MDGA2: variants seen among roughly 807,000 people sequenced by gnomAD.
MDGA2 encodes the protein MAM domain-containing glycosylphosphatidylinositol anchor protein 2.
MDGA2 carries 40 observed loss-of-function variants against 117.8 expected under a neutral mutation model. The ratio of observed to expected loss-of-function variants is 0.34; its 90% confidence interval spans 0.26 to 0.44. MDGA2 has a LOEUF of 0.44. Among genes scored for constraint, MDGA2 ranks in the 20% least tolerant of loss-of-function variants. The pLI is 1.00. For missense variants in MDGA2, 1,123 were observed against 1,250.6 expected (o/e 0.90, Z 1.54); for synonymous variants, 452 against 439.0 (o/e 1.03, Z -0.37).
chr14:47,607,138 C>A (rs977467148), intron 1 of MDGA2, among the ~76,000 whole-genome samples: 1 of 151,940 alleles, frequency 6.6e-6, no homozygotes, highest in Non-Finnish European at 1.5e-5. Flanking sequence ...AGGAAAAAAA[C>A]CTATGGTTCT....
chr14:47,372,325 T>G (rs1213935813), intron 1 of MDGA2, among the ~76,000 whole-genome samples: 1 of 151,726 alleles, frequency 6.6e-6, no homozygotes, highest in African/African-American at 2.4e-5. Context: ...GCAGCACAAA[T>G]GATAAGCAAA....
chr14:47,162,334 T>G (rs1456200553), intron 3 of MDGA2, among the ~76,000 whole-genome samples: 1 of 152,114 alleles, frequency 6.6e-6, no homozygotes, highest in Non-Finnish European at 1.5e-5. Flanking sequence ...TATAAAGGAA[T>G]CCTCACTGGA....
At chr14:47,066,747 A>C (rs1238420576) in intron 6 of MDGA2, among the ~76,000 whole-genome samples, 3 of 152,068 alleles carry the variant, frequency 2.0e-5, no homozygotes, top group African/African-American at 4.8e-5. Flanking sequence ...GAAAAAAAAA[A>C]CTGACATCTA....
chr14:47,639,126 C>T (rs1229702775), intron 1 of MDGA2, among the ~76,000 whole-genome samples: 2 of 152,110 alleles, frequency 1.3e-5, no homozygotes, highest in Non-Finnish European at 2.9e-5. Flanking sequence ...TTTATCTTCT[C>T]ATCTTATTTT....
chr14:47,583,410 T>G (rs1896265325), intron 1 of MDGA2, among the ~76,000 whole-genome samples: 1 of 151,858 alleles, frequency 6.6e-6, no homozygotes, highest in Non-Finnish European at 1.5e-5. Context: ...CAATTCTCAT[T>G]AAAAGCATTT....
intron 1 of MDGA2, among the ~76,000 whole-genome samples, chr14:47,668,853 G>C (rs1331257187): frequency 6.6e-6 from 1 of 152,118 alleles, no homozygotes; most frequent in Non-Finnish European, 1.5e-5. Context: ...ATAAGCTCTC[G>C]AGCTCAGTTC....
chr14:47,502,168 C>T (rs531429984), intron 1 of MDGA2, among the ~76,000 whole-genome samples: 1 of 152,046 alleles, frequency 6.6e-6, no homozygotes, highest in East Asian at 1.9e-4. Context: ...ACTCAGGAGG[C>T]TAAGGAACTT....
chr14:47,208,528 CTCT>C (rs746409369), intron 3 of MDGA2, among the ~76,000 whole-genome samples: 21 of 71,930 alleles, frequency 2.9e-4, no homozygotes, highest in Non-Finnish European at 4.9e-4. Context: ...CTTCTCTAAA[CTCT>C]TTTTTTTTTT....
At chr14:47,316,530 T>C (rs1158409973) in intron 1 of MDGA2, among the ~76,000 whole-genome samples, 1 of 152,052 alleles carries the variant, frequency 6.6e-6, no homozygotes, top group East Asian at 1.9e-4. Context: ...AAATAACTTG[T>C]TTAATTAAGT....
intron 1 of MDGA2, among the ~76,000 whole-genome samples, chr14:47,556,734 T>C (rs1444870784): frequency 1.3e-5 from 2 of 152,202 alleles, no homozygotes; most frequent in African/African-American, 4.8e-5. Context: ...TAATACAAGC[T>C]CAGTAAATAG....
At chr14:47,460,112 T>A (rs1312670135) in intron 1 of MDGA2, among the ~76,000 whole-genome samples, 1 of 152,188 alleles carries the variant, frequency 6.6e-6, no homozygotes, top group Non-Finnish European at 1.5e-5. Flanking sequence ...TATCATTTTC[T>A]TCATTCTCAG....
chr14:46,982,036 AT>A (rs1407966647), intron 8 of MDGA2, among the ~76,000 whole-genome samples: 1 of 152,234 alleles, frequency 6.6e-6, no homozygotes, highest in Non-Finnish European at 1.5e-5. Flanking sequence ...TATGAGTCCA[AT>A]CATACATTCA....
At chr14:47,664,358 A>T (rs1897903692) in intron 1 of MDGA2, among the ~76,000 whole-genome samples, 1 of 152,208 alleles carries the variant, frequency 6.6e-6, no homozygotes, top group East Asian at 1.9e-4. Flanking sequence ...TAGTCCTATT[A>T]TGAGGTTCAA....
At chr14:47,267,861 G>A (rs1291618671) in intron 2 of MDGA2, among the ~76,000 whole-genome samples, 1 of 152,032 alleles carries the variant, frequency 6.6e-6, no homozygotes, top group East Asian at 1.9e-4. Flanking sequence ...AAGCCCTTTA[G>A]TAAGTCAAAG....
chr14:47,231,595 A>G (rs935160624), intron 2 of MDGA2, among the ~76,000 whole-genome samples: 1 of 152,064 alleles, frequency 6.6e-6, no homozygotes, highest in Non-Finnish European at 1.5e-5. Context: ...TTTCCTATAC[A>G]TATTATATTT....
At chr14:47,073,420 T>C (rs1485607744) in intron 6 of MDGA2, among the ~76,000 whole-genome samples, 2 of 152,174 alleles carry the variant, frequency 1.3e-5, no homozygotes, top group East Asian at 1.9e-4. Context: ...TGGTAGTAAT[T>C]ATGAAGCATA....
At chr14:47,463,976 T>C (rs145228060) in intron 1 of MDGA2, among the ~76,000 whole-genome samples, 2 of 152,178 alleles carry the variant, frequency 1.3e-5, no homozygotes, top group Non-Finnish European at 2.9e-5. Context: ...GAGGACTGAT[T>C]AGGATGGATT....
At chr14:47,017,313 A>G (rs1232357027) in intron 8 of MDGA2, among the ~76,000 whole-genome samples, 1 of 151,424 alleles carries the variant, frequency 6.6e-6, no homozygotes, top group Non-Finnish European at 1.5e-5. Flanking sequence ...AAAAAAAAAA[A>G]GAAGAAGAAA....
At chr14:47,344,329 C>T (rs772994549) in intron 1 of MDGA2, among the ~76,000 whole-genome samples, 3 of 152,088 alleles carry the variant, frequency 2.0e-5, no homozygotes, top group Non-Finnish European at 4.4e-5. Flanking sequence ...TGTATTAAAA[C>T]CTCCCTTCCA....
Sources: allele counts gnomAD v4.1 joint callset (sites outside exome capture counted in the v4.1 genomes callset), GRCh38; gene constraint gnomAD v4.1.1; transcripts MANE v1.5; gene names NCBI Gene and HGNC (gene_info 2026-07-23, HGNC 2026-07-21).